KCNH7: variants seen among roughly 807,000 people sequenced by gnomAD.
The protein encoded by KCNH7 is voltage-gated inwardly rectifying potassium channel KCNH7.
KCNH7 carries 49 observed loss-of-function variants against 120.8 expected under a neutral mutation model. The observed-to-expected ratio is 0.41, with a 90% CI of 0.32 to 0.51. KCNH7 has a LOEUF of 0.51. Ranked by LOEUF, KCNH7 falls within the 20% of genes least tolerant of loss-of-function variation. The pLI, the probability that KCNH7 is intolerant of heterozygous loss-of-function variation, is 0.38. For missense variants in KCNH7, 1,097 were observed against 1,446.6 expected (o/e 0.76, Z 3.92); for synonymous variants, 547 against 516.1 (o/e 1.06, Z -0.81).
At chr2:162,824,433 C>G (rs1285742393) in intron 2 of KCNH7, among the ~76,000 whole-genome samples, 2 of 152,060 alleles carry the variant, frequency 1.3e-5, no homozygotes, top group Non-Finnish European at 2.9e-5. Context: ...ATTCTGAGAA[C>G]AGCAATCTGG....
At chr2:162,777,024 C>T (rs1683266655) in intron 2 of KCNH7, among the ~76,000 whole-genome samples, 1 of 152,116 alleles carries the variant, frequency 6.6e-6, no homozygotes. Context: ...TGCCCATTCA[C>T]CATCTTTGAC....
intron 2 of KCNH7, among the ~76,000 whole-genome samples, chr2:162,562,650 G>A (rs1693115011): frequency 6.6e-6 from 1 of 152,212 alleles, no homozygotes; most frequent in Non-Finnish European, 1.5e-5. Context: ...TGGGCTTTGA[G>A]GAAGCTGAGG....
At chr2:162,386,483 T>C (rs1686575300) in intron 12 of KCNH7, among the ~76,000 whole-genome samples, 1 of 151,868 alleles carries the variant, frequency 6.6e-6, no homozygotes, top group Admixed American at 6.6e-5. Context: ...TTTTCTAAAT[T>C]ATCCTCATAC....
chr2:162,788,740 A>T (rs1230848533), intron 2 of KCNH7, among the ~76,000 whole-genome samples: 2 of 152,062 alleles, frequency 1.3e-5, no homozygotes, highest in African/African-American at 4.8e-5. Flanking sequence ...AACTCTAAAT[A>T]TGGAGAAGGA....
intron 9 of KCNH7, among the ~76,000 whole-genome samples, chr2:162,406,543 A>G (rs991330760): frequency 6.6e-6 from 1 of 152,002 alleles, no homozygotes; most frequent in Non-Finnish European, 1.5e-5. Flanking sequence ...TTTCTGGGTC[A>G]TTAAATATAC....
At chr2:162,455,008 C>A (rs1349946867) in intron 6 of KCNH7, among the ~76,000 whole-genome samples, 1 of 152,066 alleles carries the variant, frequency 6.6e-6, no homozygotes, top group African/African-American at 2.4e-5. Flanking sequence ...GCATCCTTGT[C>A]TTGTGTCAGT....
At chr2:162,417,273 A>G (rs1350130294) in intron 9 of KCNH7, among the ~76,000 whole-genome samples, 1 of 152,178 alleles carries the variant, frequency 6.6e-6, no homozygotes, top group African/African-American at 2.4e-5. Context: ...ACTTAAAATC[A>G]TATTTCCAAA....
At chr2:162,812,117 C>A (rs1000644595) in intron 2 of KCNH7, among the ~76,000 whole-genome samples, 1 of 152,028 alleles carries the variant, frequency 6.6e-6, no homozygotes, top group African/African-American at 2.4e-5. Context: ...TATATTTTAT[C>A]TAGTCATGTT....
At chr2:162,641,075 G>T (rs1440710561) in intron 2 of KCNH7, among the ~76,000 whole-genome samples, 1 of 152,136 alleles carries the variant, frequency 6.6e-6, no homozygotes, top group African/African-American at 2.4e-5. Context: ...AGACATAGCT[G>T]ATGGGAAGGT....
intron 2 of KCNH7, among the ~76,000 whole-genome samples, chr2:162,829,831 A>T (rs1394156062): frequency 6.8e-6 from 1 of 146,638 alleles, no homozygotes; most frequent in African/African-American, 2.5e-5. Flanking sequence ...TTTCCCCCAG[A>T]TCTTGTTAAC....
At chr2:162,807,744 G>A (rs772583888) in intron 2 of KCNH7, among the ~76,000 whole-genome samples, 3 of 151,688 alleles carry the variant, frequency 2.0e-5, no homozygotes, top group African/African-American at 2.4e-5. Flanking sequence ...GTGCAGTGGC[G>A]CAATCTCGGC....
At chr2:162,401,329 A>C (rs548785119) in intron 9 of KCNH7, among the ~76,000 whole-genome samples, 20 of 151,990 alleles carry the variant, frequency 1.3e-4, no homozygotes, top group Admixed American at 1.1e-3. Context: ...GCGTATGTAG[A>C]TTTTAATTTT....
At chr2:162,559,575 G>A (rs1355289433) in intron 2 of KCNH7, among the ~76,000 whole-genome samples, 1 of 152,160 alleles carries the variant, frequency 6.6e-6, no homozygotes, top group African/African-American at 2.4e-5. Context: ...AGACACCCAT[G>A]ATCATTTTAT....
intron 2 of KCNH7, among the ~76,000 whole-genome samples, chr2:162,556,689 T>G (rs773234394): frequency 1.3e-5 from 2 of 152,212 alleles, no homozygotes; most frequent in Non-Finnish European, 2.9e-5. Context: ...AAATTTAATC[T>G]CAAAATCCTC....
At chr2:162,418,731 A>G (rs1687609800) in intron 9 of KCNH7, among the ~76,000 whole-genome samples, 1 of 152,192 alleles carries the variant, frequency 6.6e-6, no homozygotes, top group African/African-American at 2.4e-5. Flanking sequence ...CTGACAGATC[A>G]TAGAGAAACT....
intron 2 of KCNH7, among the ~76,000 whole-genome samples, chr2:162,601,336 A>G (rs1694544129): frequency 2.0e-5 from 3 of 148,726 alleles, no homozygotes; most frequent in African/African-American, 7.5e-5. Context: ...TCATTTGCCA[A>G]TAATCATCTG....
At chr2:162,704,662 G>A (rs1166046661) in intron 2 of KCNH7, among the ~76,000 whole-genome samples, 1 of 152,204 alleles carries the variant, frequency 6.6e-6, no homozygotes, top group East Asian at 1.9e-4. Context: ...TGGGCAATGG[G>A]AAAGCCAATT....
In KCNH7 at chr2:162,634,088, G is replaced by A. The variant is rs151317232; in HGVS notation, c.308-97008C>T. On this transcript the variant is annotated intron_variant, in intron 2 of 15. Coordinates refer to ENST00000332142, the MANE Select transcript of KCNH7 (RefSeq NM_033272.4). ...AAATTAATGTTACTATAGTTAATGG[G>A]ATGTTTTCTGTTCATCATATCTTCT... 2.5e-4 allele frequency among the ~76,000 whole-genome samples: 38 copies of A among 152,086 alleles called. No individual in the cohort carries two copies. The East Asian group carries it at 7.0e-3, about 28-fold the overall frequency.
chr2:162,815,711 C>A (rs1684894588), intron 2 of KCNH7, among the ~76,000 whole-genome samples: 1 of 152,132 alleles, frequency 6.6e-6, no homozygotes, highest in Non-Finnish European at 1.5e-5. Flanking sequence ...AGCCACAAAT[C>A]AACTTTTCTT....
Sources: gnomAD v4.1 joint callset for allele counts (sites outside exome capture counted in the v4.1 genomes callset) on GRCh38, gnomAD v4.1.1 for gene constraint, MANE v1.5 for transcripts, NCBI Gene and HGNC (gene_info 2026-07-23, HGNC 2026-07-21) for gene names.